Variants in PAEP observed in about 807,000 individuals in gnomAD.
PAEP encodes the protein progestagen associated endometrial protein.
Under a neutral mutation model 23.0 loss-of-function variants are expected in PAEP, and 28 were observed. The observed-to-expected ratio is 1.22, with a 90% confidence interval of 0.90 to 1.67. PAEP has a LOEUF of 1.67. Ranked by LOEUF, PAEP falls within the 40% of genes most tolerant of loss-of-function variation. The probability of loss-of-function intolerance (pLI) is 0.00; values close to 1 mark genes in which losing one functional copy is unlikely to be tolerated. For missense variants in PAEP, 209 were observed against 226.4 expected (o/e 0.92, Z 0.49); for synonymous variants, 103 against 92.4 (o/e 1.12, Z -0.66).
chr9:135,564,151 C>T, intron 3 of PAEP, 93 bp from the exon 4 acceptor site: 1 of 1,505,214 alleles, frequency 6.6e-7, no homozygotes. Context: ...GATGAGGAAG[C>T]CACTTAGTGT....
At chr9:135,561,944 G>T (rs200586802) in intron 1 of PAEP, 47 bp downstream of exon 1, 1 of 1,404,316 alleles carries the variant, frequency 7.1e-7, no homozygotes, top group East Asian at 2.5e-5. Context: ...GGCCTGGGGC[G>T]GGTGGGAGCT....
chr9:135,564,521 T>C, intron 4 of PAEP, 167 bp downstream of exon 4: 1 of 974,840 alleles, frequency 1.0e-6, no homozygotes, highest in Non-Finnish European at 1.2e-6. Flanking sequence ...TTTGTTTTTT[T>C]GAGAAAGGGT....
intron 3 of PAEP, among the ~76,000 whole-genome samples, chr9:135,563,377 GGT>G (rs1491191588): frequency 1.6e-3 from 245 of 150,476 alleles, no homozygotes; most frequent in Middle Eastern, 3.4e-3. Context: ...TGGGCAGGTG[GGT>G]AGGTGGGTAG....
intron 5 of PAEP, 36 bp downstream of exon 5, chr9:135,565,550 G>T: frequency 6.3e-7 from 1 of 1,576,212 alleles, no homozygotes; most frequent in Non-Finnish European, 8.7e-7. Flanking sequence ...GCCTCAGCTG[G>T]AGGAGAAGCT....
At chr9:135,562,740 G>A (rs1313691072) in intron 2 of PAEP, 80 bp from the exon 3 acceptor site, 33 of 1,206,082 alleles carry the variant, frequency 2.7e-5, no homozygotes, top group South Asian at 2.4e-4. Context: ...GGAAGTTCCC[G>A]TGGTGACCTG....
Position 135,566,724 on chromosome 9 carries a change from C to G in PAEP, c.*172C>G, listed in dbSNP as rs3748212. ...CTGCACCACGGCCATGGGGAGGCTG[C>G]TCCCTGGGGGCAGAGTCTCTGGCAG... On this transcript the variant is annotated 3_prime_UTR_variant, in exon 7 of 7. Coordinates refer to ENST00000479141, the MANE Select transcript of PAEP (RefSeq NM_002571.4). 1 of 154,772 alleles carries G rather than the reference C, an allele frequency of 6.5e-6. No individual in the cohort carries two copies. The highest frequency in any genetic ancestry group is 1.5e-5 in the Non-Finnish European group (1 of 68,256). 9.6% of individuals were successfully genotyped at this position (154,772 alleles called of 1,614,324 possible).
intron 6 of PAEP, 160 bp downstream of exon 6, chr9:135,565,961 G>A: frequency 2.6e-6 from 2 of 781,616 alleles, no homozygotes; most frequent in East Asian, 5.0e-5. Flanking sequence ...CAGAAAGCCA[G>A]GCTGCTGACG....
chr9:135,565,701 A>G (rs1832549579), intron 5 of PAEP, 84 bp from the exon 6 acceptor site: 12 of 1,531,934 alleles, frequency 7.8e-6, no homozygotes, highest in Admixed American at 1.7e-5. Flanking sequence ...CCATCCTTTC[A>G]TCCCTTCTCT....
Position 135,566,934 on chromosome 9 carries a change from C to T in PAEP, c.*382C>T, listed in dbSNP as rs783773. On this transcript the variant is annotated 3_prime_UTR_variant, in exon 7 of 7. Coordinates refer to ENST00000479141, the MANE Select transcript of PAEP (RefSeq NM_002571.4). ...TACCTCAAGTTTCTTATCTACAAAA[C>T]AAAAGGGTCCACTTTCACAAACTTG... is the stretch of plus-strand genomic sequence containing the variant. The T allele has an allele frequency of 1, 151,867 of 152,358 alleles. 75,689 individuals are homozygous for T. The highest frequency in any genetic ancestry group is 1 in the Middle Eastern group (314 of 314). The allele number at this position is 152,358 out of a possible 1,614,324, so 9.4% of individuals were successfully genotyped here.
intron 6 of PAEP, chr9:135,566,058 TG>T: frequency 1.8e-6 from 1 of 555,804 alleles, no homozygotes; most frequent in South Asian, 2.2e-5. Flanking sequence ...TGCTTTCTTT[TG>T]GGGTTAGGGG....
Position 135,562,900 on chromosome 9 carries a change from G to GA in PAEP, c.310+7_310+8insA. 6.2e-7 allele frequency: 1 copy of GA among 1,610,700 alleles called. No individual in the cohort carries two copies. Among genetic ancestry groups the GA allele is most frequent in the South Asian group, 1.1e-5 (1 of 91,002 alleles). On this transcript the variant is annotated splice_region_variant and intron_variant, in intron 3 of 6. Transcript: ENST00000479141. ...AAGAAGTTCAAGATCAACTGTGAGTGTCCCCAGGCCCCAAGGGCTGGCTCA... is the reference window on the plus strand; with the variant it reads ...AAGAAGTTCAAGATCAACTGTGAGTGATCCCCAGGCCCCAAGGGCTGGCTCA...
intron 1 of PAEP, among the ~76,000 whole-genome samples, 161 bp downstream of exon 1, chr9:135,562,058 C>G (rs1832323125): frequency 6.6e-6 from 1 of 152,216 alleles, no homozygotes; most frequent in Non-Finnish European, 1.5e-5. Flanking sequence ...TTTAGGGTGG[C>G]CTCTCTGGTT....
Position 135,562,512 on chromosome 9 carries a change from C to T in PAEP, c.236+79C>T, listed in dbSNP as rs528868896. Reference sequence around the variant, plus strand: ...GGGGTCCAGGACTGGGTGGGTTGGGCGGAGCTGGACTTAGCCCCAGGCATT... The same window carrying T: ...GGGGTCCAGGACTGGGTGGGTTGGGTGGAGCTGGACTTAGCCCCAGGCATT... On this transcript the variant is annotated intron_variant, in intron 2 of 6. Transcript: ENST00000479141. 456 of 1,516,002 alleles carry T rather than the reference C, an allele frequency of 3.0e-4. 2 individuals are homozygous for T. In the African/African-American group the frequency reaches 3.5e-3, roughly 12 times the overall value. 93.9% of individuals were successfully genotyped at this position (1,516,002 alleles called of 1,614,324 possible). A position where few individuals can be genotyped will look rare whatever the true frequency, so the allele number is the denominator to read the frequency against.
chr9:135,565,304 C>A, intron 4 of PAEP, 106 bp from the exon 5 acceptor site: 1 of 929,256 alleles, frequency 1.1e-6, no homozygotes, highest in Non-Finnish European at 1.8e-6. Flanking sequence ...GACCTCGGAG[C>A]ACTGGGGCCT....
At chr9:135,565,875 C>A (rs1162084647) in intron 6 of PAEP, 74 bp downstream of exon 6, 74 of 1,510,300 alleles carry the variant, frequency 4.9e-5, no homozygotes, top group Non-Finnish European at 6.6e-5. Context: ...CCTCTCTGGG[C>A]CCCTGGGACA....
rs769553774 is a variant in PAEP at position 135,562,395 on chromosome 9, C to T, written c.198C>T (p.Pro66=). The T allele has an allele frequency of 1.2e-6, 2 of 1,614,112 alleles. No homozygotes were observed. The highest frequency in any genetic ancestry group is 1.7e-6 in the Non-Finnish European group (2 of 1,180,000). ...GGGTCCACATCACCTCACTGTTGCCCACCCCCGAGGACAACCTGGAGATCG... is the reference window on the plus strand; with the variant it reads ...GGGTCCACATCACCTCACTGTTGCCTACCCCCGAGGACAACCTGGAGATCG... ...PLRVHITSLL[P]TPEDNLEIVL... The change falls in exon 2 of 7, where the codon CCC becomes CCT. Residue 66 remains proline (P), a synonymous_variant. Transcript: ENST00000479141.
At chr9:135,564,180 C>G in intron 3 of PAEP, 64 bp from the exon 4 acceptor site, 1 of 1,542,050 alleles carries the variant, frequency 6.5e-7, no homozygotes, top group South Asian at 1.2e-5. Context: ...GTCCACACAC[C>G]TGCACAGGAC....
At chr9:135,562,958 C>T (rs753655241) in intron 3 of PAEP, 65 bp downstream of exon 3, 21 of 1,320,250 alleles carry the variant, frequency 1.6e-5, no homozygotes, top group South Asian at 2.4e-5. Flanking sequence ...CTCCCAGAGG[C>T]GGCTCTGCTG....
At chr9:135,565,752 C>T (rs1388691711) in intron 5 of PAEP, 33 bp from the exon 6 acceptor site, 1 of 1,613,684 alleles carries the variant, frequency 6.2e-7, no homozygotes, top group East Asian at 2.2e-5. Flanking sequence ...TCTTCTCTCG[C>T]TGACACCTCC....
Sources: gnomAD v4.1 joint callset for allele counts (sites outside exome capture counted in the v4.1 genomes callset) on GRCh38, gnomAD v4.1.1 for gene constraint, MANE v1.5 for transcripts, NCBI Gene and HGNC (gene_info 2026-07-23, HGNC 2026-07-21) for gene names.